NTRK2: variants seen among roughly 807,000 people sequenced by gnomAD.
NTRK2 encodes neurotrophic receptor tyrosine kinase 2.
In NTRK2, 13 loss-of-function variants were observed where a neutral mutation model predicts 94.5. That is an observed-to-expected ratio of 0.14 (90% CI 0.09 to 0.22). NTRK2 has a LOEUF of 0.22. NTRK2 is among the 10% of genes least tolerant of loss of function. NTRK2 has a pLI of 1.00. For synonymous variants in NTRK2, 372 were observed against 407.4 expected, an observed-to-expected ratio of 0.91 and a Z score of 1.05; for missense variants, 639 against 1,071.2, an observed-to-expected ratio of 0.60 and a Z score of 5.63.
In NTRK2 at chr9:84,976,128, C is replaced by T. The variant is rs545976796; in HGVS notation, c.2172+20611C>T. On this transcript the variant is annotated intron_variant, in intron 17 of 18. Coordinates refer to ENST00000277120, the MANE Select transcript of NTRK2 (RefSeq NM_006180.6). ...CAAATGTATGAGTCAGCTTAGCTGC[C>T]GTTAACAATATGCCATAAGCTGGGA... 7.9e-5 allele frequency among the ~76,000 whole-genome samples: 12 copies of T among 152,240 alleles called. No homozygotes were observed. The South Asian group carries it at 1.0e-3, about 13-fold the overall frequency.
chr9:84,797,542 AATATATAT>A (rs1491179224), intron 12 of NTRK2, among the ~76,000 whole-genome samples: 3 of 85,312 alleles, frequency 3.5e-5, no homozygotes, highest in African/African-American at 1.1e-4. Context: ...ATGTATATAT[AATATATAT>A]ATTATATATA....
intron 17 of NTRK2, among the ~76,000 whole-genome samples, chr9:84,961,558 AC>A (rs1396042284): frequency 6.6e-6 from 1 of 152,162 alleles, no homozygotes; most frequent in African/African-American, 2.4e-5. Context: ...CTCCCTAAGA[AC>A]CTTTTACATA....
chr9:84,833,636 A>C (rs1479394386), intron 12 of NTRK2, among the ~76,000 whole-genome samples: 6 of 150,400 alleles, frequency 4.0e-5, no homozygotes, highest in Admixed American at 1.3e-4. Flanking sequence ...GAAAGGCAGG[A>C]AGGAAGGAGG....
At chr9:84,782,037 A>AACACACACACACAC (rs58851217) in intron 12 of NTRK2, among the ~76,000 whole-genome samples, 62 of 149,648 alleles carry the variant, frequency 4.1e-4, no homozygotes, top group African/African-American at 1.2e-3. Flanking sequence ...CCTCCAAGAA[A>AACACACACACACAC]ACACACACAC....
intron 17 of NTRK2, among the ~76,000 whole-genome samples, chr9:85,017,717 T>C (rs1485823729): frequency 6.6e-6 from 1 of 152,212 alleles, no homozygotes; most frequent in Non-Finnish European, 1.5e-5. Flanking sequence ...ACTTCTGGGG[T>C]TGTTAAAATA....
intron 10 of NTRK2, among the ~76,000 whole-genome samples, chr9:84,743,353 TGATA>T (rs1424327934): frequency 6.6e-6 from 1 of 152,214 alleles, no homozygotes; most frequent in Non-Finnish European, 1.5e-5. Flanking sequence ...ATATATTGAT[TGATA>T]TTTTATTTTT....
intron 17 of NTRK2, among the ~76,000 whole-genome samples, chr9:84,959,296 T>C (rs1824583116): frequency 6.6e-6 from 1 of 152,136 alleles, no homozygotes; most frequent in Non-Finnish European, 1.5e-5. Context: ...TTTGTTTGTT[T>C]TTGGTTTTGG....
intron 14 of NTRK2, among the ~76,000 whole-genome samples, chr9:84,881,831 A>G (rs957540529): frequency 6.6e-6 from 1 of 152,220 alleles, no homozygotes; most frequent in Admixed American, 6.5e-5. Flanking sequence ...GTGTTTTGAG[A>G]ATTCTCCTGT....
intron 11 of NTRK2, among the ~76,000 whole-genome samples, chr9:84,749,426 T>C (rs913144449): frequency 1.3e-5 from 2 of 152,188 alleles, no homozygotes; most frequent in African/African-American, 2.4e-5. Context: ...CTGGGAGAAT[T>C]AGCCATATGT....
intron 12 of NTRK2, among the ~76,000 whole-genome samples, chr9:84,808,794 A>G (rs573902618): frequency 1.3e-5 from 2 of 152,334 alleles, no homozygotes; most frequent in South Asian, 2.1e-4. Flanking sequence ...GAGAAATGCC[A>G]TGGAAATTAA....
intron 16 of NTRK2, 106 bp from the exon 17 acceptor site, chr9:84,955,177 G>A: frequency 1.1e-6 from 1 of 876,352 alleles, no homozygotes; most frequent in South Asian, 1.4e-5. Flanking sequence ...CAGCTACAGG[G>A]TGGGGGTGAG....
chr9:84,873,691 A>G (rs200189249), intron 14 of NTRK2: 8 of 1,055,882 alleles, frequency 7.6e-6, no homozygotes, highest in South Asian at 4.6e-5. Context: ...ACTGAGATGA[A>G]GATTTGTTAG....
chr9:84,959,271 T>C (rs1824572540), intron 17 of NTRK2, among the ~76,000 whole-genome samples: 1 of 152,202 alleles, frequency 6.6e-6, no homozygotes, highest in Admixed American at 6.5e-5. Flanking sequence ...GGGACACAGT[T>C]GTGTGTGGGT....
chr9:84,727,793 T>C lies in NTRK2; in HGVS notation c.993T>C (p.Cys331=), dbSNP rs1049198663. The part of the protein sequence containing the change: ...GAILNESKYI[C]TKIHVTNHTE... ...TATTGAATGAGTCCAAATACATCTG[T>C]ACTAAAATACATGTTACCAATCACA... Residue 331 remains cysteine, a synonymous_variant, in exon 9 of 19, where the codon TGT becomes TGC. Coordinates refer to ENST00000277120, the MANE Select transcript of NTRK2 (RefSeq NM_006180.6). The C allele has an allele frequency of 4.3e-6, 7 of 1,614,062 alleles. No individual in the cohort carries two copies. In the African/African-American group the frequency reaches 9.3e-5, roughly 22 times the overall value.
chr9:84,813,767 A>G lies in NTRK2; in HGVS notation c.1397-47273A>G, dbSNP rs201665524. 391 of 1,065,944 alleles carry G rather than the reference A, an allele frequency of 3.7e-4. 1 individual carries two copies. Among genetic ancestry groups the G allele is most frequent in the Middle Eastern group, 1.7e-3 (4 of 2,400 alleles). The allele number at this position is 1,065,944 out of a possible 1,614,324, so 66.0% of individuals were successfully genotyped here. ...TATATCTGACACTAATTTCTTTTCA[A>G]CAGCGCTCATGTCTCTTGGCCCAGT... is the stretch of plus-strand genomic sequence containing the variant. On this transcript the variant is annotated intron_variant, in intron 12 of 18. Transcript: ENST00000277120.
chr9:84,995,305 G>A (rs1829613001), intron 17 of NTRK2, among the ~76,000 whole-genome samples: 1 of 151,824 alleles, frequency 6.6e-6, no homozygotes, highest in South Asian at 2.1e-4. Context: ...TTTTCCCCCA[G>A]AACAGTTACA....
chr9:84,920,458 C>T (rs1228068914), intron 14 of NTRK2, among the ~76,000 whole-genome samples: 2 of 152,144 alleles, frequency 1.3e-5, no homozygotes, highest in Admixed American at 1.3e-4. Context: ...GCAGTGCACA[C>T]CACTCATCCA....
intron 14 of NTRK2, among the ~76,000 whole-genome samples, chr9:84,918,290 T>C (rs907570775): frequency 6.6e-6 from 1 of 152,210 alleles, no homozygotes; most frequent in Admixed American, 6.5e-5. Flanking sequence ...TATGCATTGA[T>C]GTCTTCCTAC....
chr9:84,807,105 C>G (rs1430631413), intron 12 of NTRK2, among the ~76,000 whole-genome samples: 1 of 152,210 alleles, frequency 6.6e-6, no homozygotes, highest in East Asian at 1.9e-4. Flanking sequence ...CCCTTCACTT[C>G]CTTTGGGCTC....
Sources: allele counts gnomAD v4.1 joint callset (sites outside exome capture counted in the v4.1 genomes callset), GRCh38; gene constraint gnomAD v4.1.1; transcripts MANE v1.5; gene names NCBI Gene and HGNC (gene_info 2026-07-23, HGNC 2026-07-21).